Variants in DNAH9 observed in about 807,000 individuals in gnomAD.
The protein encoded by DNAH9 is DNAH9 variant protein.
In DNAH9, 345 loss-of-function variants were observed where a neutral mutation model predicts 471.6. The observed-to-expected ratio is 0.73, with a 90% CI of 0.67 to 0.80. DNAH9 has a LOEUF of 0.80. Ranked by LOEUF, DNAH9 falls within the 30% of genes least tolerant of loss-of-function variation. The probability of loss-of-function intolerance (pLI) is 0.00; values close to 1 mark genes in which losing one functional copy is unlikely to be tolerated. For synonymous variants in DNAH9, 2,093 were observed against 2,123.6 expected (o/e 0.99, Z 0.40); for missense variants, 5,407 against 5,609.2 (o/e 0.96, Z 1.15).
intron 49 of DNAH9, among the ~76,000 whole-genome samples, chr17:11,851,806 CAA>C (rs1206381570): frequency 6.6e-6 from 1 of 151,724 alleles, no homozygotes; most frequent in Non-Finnish European, 1.5e-5. Context: ...TCACTAAAAC[CAA>C]AAGAGTCATG....
rs183149683 is a variant in DNAH9 at position 11,666,539 on chromosome 17, G to A, written c.2731+1571G>A. ...ATAGAGGCCCTTCGAATTCTCCTTC[G>A]AACGGGTGGGAGCTGAATTTATCAG... On this transcript the variant is annotated intron_variant, in intron 15 of 68. Transcript: ENST00000262442. Among the ~76,000 whole-genome samples, 1,313 of 152,244 alleles carry A rather than the reference G, an allele frequency of 8.6e-3. 15 individuals carry two copies. The highest frequency in any genetic ancestry group is 9.9e-3 in the Non-Finnish European group (673 of 68,024).
chr17:11,884,992 A>G (rs1355089010), intron 56 of DNAH9, among the ~76,000 whole-genome samples: 1 of 152,038 alleles, frequency 6.6e-6, no homozygotes, highest in Non-Finnish European at 1.5e-5. Context: ...CGAGGGTTGT[A>G]TGAAGCTTTC....
intron 60 of DNAH9, among the ~76,000 whole-genome samples, chr17:11,905,150 C>T (rs543908669): frequency 6.6e-6 from 1 of 151,756 alleles, no homozygotes; most frequent in South Asian, 2.1e-4. Context: ...AGGGGAATCA[C>T]TTGAACCCGG....
intron 22 of DNAH9, among the ~76,000 whole-genome samples, chr17:11,698,020 T>C (rs2074505908): frequency 6.8e-6 from 1 of 147,474 alleles, no homozygotes. Flanking sequence ...TGTAAAGTTA[T>C]ATATAATTAT....
chr17:11,893,422 C>T (rs1243667793), intron 58 of DNAH9, among the ~76,000 whole-genome samples: 1 of 109,632 alleles, frequency 9.1e-6, no homozygotes, highest in Non-Finnish European at 2.1e-5. Flanking sequence ...TTTATTGCAG[C>T]ACTATTTACA....
chr17:11,750,309 A>G lies in DNAH9; in HGVS notation c.6611-2524A>G, dbSNP rs566199797. On this transcript the variant is annotated intron_variant, in intron 32 of 68. Transcript: ENST00000262442. The stretch of plus-strand genomic sequence containing the variant: ...TTTTTGGATAACTTTAAAAGAATAC[A>G]AATCAACAGGTTATTTTAGTTTTAT... Among the ~76,000 whole-genome samples the G allele has an allele frequency of 3.9e-5, 6 of 152,288 alleles. No homozygotes were observed. The South Asian group carries it at 1.2e-3, about 32-fold the overall frequency.
intron 62 of DNAH9, among the ~76,000 whole-genome samples, chr17:11,929,024 CTTTTTTTTTT>C (rs71142254): frequency 9.7e-6 from 1 of 102,906 alleles, no homozygotes; most frequent in African/African-American, 3.7e-5. Context: ...GTGTTACAGC[CTTTTTTTTTT>C]TTTTTTTTTT....
At chr17:11,941,935 C>T (rs1567565860) in intron 66 of DNAH9, among the ~76,000 whole-genome samples, 1 of 152,186 alleles carries the variant, frequency 6.6e-6, no homozygotes, top group Admixed American at 6.5e-5. Context: ...CTTCACATGG[C>T]CCACAGGGGC....
chr17:11,749,362 G>T (rs1461523102), intron 32 of DNAH9, among the ~76,000 whole-genome samples: 1 of 151,978 alleles, frequency 6.6e-6, no homozygotes, highest in Non-Finnish European at 1.5e-5. Context: ...GGGATTACAG[G>T]TGTAAGCCAC....
At position 11,605,661 on chromosome 17, in the gene DNAH9, G is replaced by T. The variant is rs34780087; in HGVS notation, c.418-2468G>T. Among the ~76,000 whole-genome samples the T allele has an allele frequency of 2.5e-3, 365 of 148,508 alleles. 4 individuals are homozygous for T. Among genetic ancestry groups the T allele is most frequent in the African/African-American group, 8.7e-3 (348 of 39,808 alleles). On this transcript the variant is annotated intron_variant, in intron 1 of 68. Transcript: ENST00000262442. ...ACTACAGACATGCGCCACTACAACC[G>T]GGCAATTTTTCTATTTTTTTTTTTG...
chr17:11,877,141 C>A (rs1188661512), intron 53 of DNAH9, among the ~76,000 whole-genome samples: 1 of 151,466 alleles, frequency 6.6e-6, no homozygotes, highest in Non-Finnish European at 1.5e-5. Flanking sequence ...TATATTTTAC[C>A]ACAATTTAAA....
chr17:11,853,140 A>G (rs1167826501), intron 49 of DNAH9: 5 of 151,708 alleles, frequency 3.3e-5, no homozygotes, highest in Non-Finnish European at 7.4e-5. Context: ...AGAACTGGAA[A>G]CTGTATCCAG....
chr17:11,853,199 A>G (rs894510813), intron 49 of DNAH9: 13 of 152,042 alleles, frequency 8.6e-5, no homozygotes, highest in African/African-American at 3.1e-4. Context: ...CCTATATTCA[A>G]AATGGATGCC....
intron 2 of DNAH9, 67 bp downstream of exon 2, chr17:11,608,392 T>G: frequency 1.6e-6 from 2 of 1,267,456 alleles, no homozygotes; most frequent in Non-Finnish European, 2.2e-6. Context: ...CAGAATGTTT[T>G]CCTTACAACT....
At chr17:11,607,341 A>G (rs2072529511) in intron 1 of DNAH9, among the ~76,000 whole-genome samples, 1 of 152,196 alleles carries the variant, frequency 6.6e-6, no homozygotes, top group Non-Finnish European at 1.5e-5. Context: ...ACACTGAGCC[A>G]TGCAGGCCAC....
Position 11,821,899 on chromosome 17 carries a change from CTG to C in DNAH9, c.8708-18_8708-17del, listed in dbSNP as rs1970321257. ...TTAACGAGATGCCAAGGCTGCCTAT[CTG>C]TGCTCCATTTTTTCCCAGGGGAGAT... On this transcript the variant is annotated intron_variant, in intron 45 of 68. Transcript: ENST00000262442. 6.2e-7 allele frequency: 1 copy of C among 1,603,144 alleles called. No individual in the cohort carries two copies. Among genetic ancestry groups the C allele is most frequent in the Non-Finnish European group, 8.5e-7 (1 of 1,176,072 alleles).
At position 11,892,909 on chromosome 17, in the gene DNAH9, A is replaced by T. The variant is rs114586684; in HGVS notation, c.11283+962A>T. 6.6e-6 allele frequency among the ~76,000 whole-genome samples: 1 copy of T among 152,144 alleles called. No homozygotes were observed. The highest frequency in any genetic ancestry group is 1.9e-4 in the East Asian group (1 of 5,174). ...TCATTTAGAATTGGGATTTTTTCCAATATGTAAATTGGGAGCACAGACTAA... is the reference window on the plus strand; with the variant it reads ...TCATTTAGAATTGGGATTTTTTCCATTATGTAAATTGGGAGCACAGACTAA... On this transcript the variant is annotated intron_variant, in intron 58 of 68. Coordinates refer to ENST00000262442, the MANE Select transcript of DNAH9 (RefSeq NM_001372.4). The surrounding 1 kb of genome is among the most constrained non-coding windows in gnomAD (Gnocchi z 4.3).
rs773788695 is a variant in DNAH9, at chr17:11,854,455, T to G, written c.9933+27T>G. On this transcript the variant is annotated intron_variant, in intron 50 of 68. Coordinates refer to ENST00000262442, the MANE Select transcript of DNAH9 (RefSeq NM_001372.4). ...TGAGTGACCCCAGAGCCCCTCACCC[T>G]GCTAGTCCGCCTCCAATACAAACAA... The G allele has an allele frequency of 1.2e-5, 19 of 1,586,366 alleles. No homozygotes were observed. In the South Asian group the frequency reaches 2.2e-4, roughly 18 times the overall value.
chr17:11,881,384 A>G lies in DNAH9; in HGVS notation c.10777A>G (p.Met3593Val). The change falls in exon 55 of 69, where the codon ATG (methionine) becomes GTG (valine). Residue 3593 changes from methionine (M) to valine (V), a missense_variant. Coordinates refer to ENST00000262442, the MANE Select transcript of DNAH9 (RefSeq NM_001372.4). Reference sequence around the variant, plus strand: ...CCAGTTGCTGGCCGCTGTGGTCAGCATGGAGAGGCCAGACTTGGAGCAGCT... The same window carrying G: ...CCAGTTGCTGGCCGCTGTGGTCAGCGTGGAGAGGCCAGACTTGGAGCAGCT... ...EDQLLAAVVS[M>V]ERPDLEQLKS... is the part of the protein sequence containing the mutation. The G allele has an allele frequency of 6.2e-7, 1 of 1,613,620 alleles. No homozygotes were observed. Among genetic ancestry groups the G allele is most frequent in the South Asian group, 1.1e-5 (1 of 91,050 alleles).
Sources: allele counts gnomAD v4.1 joint callset (sites outside exome capture counted in the v4.1 genomes callset), GRCh38; gene constraint gnomAD v4.1.1; non-coding constraint Gnocchi (gnomAD v3.1); transcripts MANE v1.5; gene names NCBI Gene and HGNC (gene_info 2026-07-23, HGNC 2026-07-21).